COL6A6: variants seen among roughly 807,000 people sequenced by gnomAD.
COL6A6 encodes collagen alpha-6(VI) chain.
A neutral mutation model predicts 208.6 loss-of-function variants in COL6A6; 183 were observed. The ratio of observed to expected loss-of-function variants is 0.88; its 90% CI spans 0.78 to 0.99. The LOEUF (loss-of-function observed/expected upper bound fraction) is 0.99. Ranked by LOEUF, COL6A6 falls within the 50% of genes least tolerant of loss-of-function variation. The probability of loss-of-function intolerance (pLI) is 0.00; values close to 1 mark genes in which losing one functional copy is unlikely to be tolerated. For missense variants in COL6A6, 2,816 were observed against 2,815.2 expected, an observed-to-expected ratio of 1.00 and a Z score of -0.01; for synonymous variants, 973 against 1,011.8, an observed-to-expected ratio of 0.96 and a Z score of 0.73.
intron 36 of COL6A6, among the ~76,000 whole-genome samples, chr3:130,673,409 G>A (rs2066279927): frequency 6.6e-6 from 1 of 151,712 alleles, no homozygotes; most frequent in Non-Finnish European, 1.5e-5. Context: ...TGGGAAGAAA[G>A]GTAACAGTAA....
intron 18 of COL6A6, among the ~76,000 whole-genome samples, chr3:130,595,759 A>C (rs2063833557): frequency 6.6e-6 from 1 of 152,176 alleles, no homozygotes; most frequent in African/African-American, 2.4e-5. Flanking sequence ...TGCTGCTATG[A>C]ATATTCTTAT....
rs1422376537 is a variant in COL6A6, at chr3:130,594,312, AC to A, written c.4504del (p.Arg1502ValfsTer19). On this transcript the variant is annotated frameshift_variant, in exon 18 of 37. Coordinates refer to ENST00000358511, the MANE Select transcript of COL6A6 (RefSeq NM_001102608.3). LOFTEE classifies it high-confidence loss of function. ...CCAGGGAAGAGAGGGACTCCTGGTG[AC>A]CGTGGAGCAAAGGGCCTGCGAGGGG... is the stretch of plus-strand genomic sequence containing the variant. ...GSPGKRGTPG[D>X]RGAKGLRGDP... is the part of the protein sequence containing the mutation. The A allele has an allele frequency of 1.9e-6, 3 of 1,613,378 alleles. No individual in the cohort carries two copies. The highest frequency in any genetic ancestry group is 2.5e-6 in the Non-Finnish European group (3 of 1,179,706).
chr3:130,537,655 C>G (rs899960954), intron 1 of COL6A6, among the ~76,000 whole-genome samples: 5 of 152,196 alleles, frequency 3.3e-5, no homozygotes, highest in African/African-American at 1.2e-4. Flanking sequence ...GGCTTAGCTG[C>G]TGGGATATTC....
At chr3:130,635,613 T>A (rs2065089002) in intron 27 of COL6A6, 86 bp from the exon 28 acceptor site, 2 of 885,584 alleles carry the variant, frequency 2.3e-6, no homozygotes, top group Non-Finnish European at 3.5e-6. Flanking sequence ...AATGTCTTCA[T>A]GTTAGAATCA....
chr3:130,676,541 T>A lies in COL6A6; in HGVS notation c.*1144T>A, dbSNP rs186609729. On this transcript the variant is annotated 3_prime_UTR_variant, in exon 37 of 37. Coordinates refer to ENST00000358511, the MANE Select transcript of COL6A6 (RefSeq NM_001102608.3). ...GCTCCACAGTTGGTAGCAATGGCCC[T>A]GTTAGGCAGACTGTCCCCCTCTTTG... is the stretch of plus-strand genomic sequence containing the variant. 2 of 152,248 alleles carry A rather than the reference T, an allele frequency of 1.3e-5. No individual in the cohort carries two copies. The highest frequency in any genetic ancestry group is 2.9e-5 in the Non-Finnish European group (2 of 68,064). The allele number at this position is 152,248 out of a possible 1,614,324, so 9.4% of individuals were successfully genotyped here. A position where few individuals can be genotyped will look rare whatever the true frequency, so the allele number is the denominator to read the frequency against.
Position 130,586,571 on chromosome 3 carries a change from C to G in COL6A6, c.4036C>G (p.Pro1346Ala). Reference sequence around the variant, plus strand: ...TGATTCAAGTGACTTGGCTGATCTTCCCTATATTGAATTTGGGAAAGGATT... The same window carrying G: ...TGATTCAAGTGACTTGGCTGATCTTGCCTATATTGAATTTGGGAAAGGATT... Reference protein sequence around the residue: ...PADSSDLADLPYIEFGKGFEY... With the variant: ...PADSSDLADLAYIEFGKGFEY... Residue 1346 changes from proline to alanine, a missense_variant, in exon 11 of 37, where the codon CCC becomes GCC. Transcript: ENST00000358511. 1 of 1,613,936 alleles carries G rather than the reference C, an allele frequency of 6.2e-7. No individual in the cohort carries two copies. Among genetic ancestry groups the G allele is most frequent in the Non-Finnish European group, 8.5e-7 (1 of 1,179,854 alleles).
rs1576420836 is a variant in COL6A6 at position 130,662,420 on chromosome 3, G to A, written c.6502+112G>A. ...GGAAACCTCTTGTCTGTCTTCAAGG[G>A]CACTTCAGGGTCAGAAAGGAAAATA... On this transcript the variant is annotated intron_variant, in intron 35 of 36. Transcript: ENST00000358511. The A allele has an allele frequency of 5.0e-6, 5 of 1,005,580 alleles. No homozygotes were observed. In the East Asian group the frequency reaches 1.2e-4, roughly 24 times the overall value. 62.3% of individuals were successfully genotyped at this position (1,005,580 alleles called of 1,614,324 possible). A position where few individuals can be genotyped will look rare whatever the true frequency, so the allele number is the denominator to read the frequency against.
intron 23 of COL6A6, among the ~76,000 whole-genome samples, chr3:130,618,822 G>C (rs1204655477): frequency 6.6e-6 from 1 of 152,168 alleles, no homozygotes; most frequent in Non-Finnish European, 1.5e-5. Context: ...CTTAAAACAG[G>C]ATAATCTCTC....
Position 130,571,214 on chromosome 3 carries a change from C to G in COL6A6, c.2798C>G (p.Ala933Gly), listed in dbSNP as rs2063156901. 6.2e-7 allele frequency: 1 copy of G among 1,613,666 alleles called. No homozygotes were observed. The highest frequency in any genetic ancestry group is 1.1e-5 in the South Asian group (1 of 91,022). The stretch of plus-strand genomic sequence containing the variant: ...GATGCTGATAAACTCAATGCCACGG[C>G]AAAGGCCTTGCGGGACAAAGGCATT... ...SHDADKLNATAKALRDKGILV... is the reference protein window; with the variant it reads ...SHDADKLNATGKALRDKGILV... Residue 933 changes from alanine (A) to glycine (G), a missense_variant, in exon 7 of 37, where the codon GCA (alanine) becomes GGA (glycine). Transcript: ENST00000358511.
intron 1 of COL6A6, among the ~76,000 whole-genome samples, chr3:130,534,745 A>G (rs550942616): frequency 6.6e-6 from 1 of 152,170 alleles, no homozygotes; most frequent in East Asian, 1.9e-4. Context: ...TTTTTTTCAC[A>G]GCCAGCACCT....
At chr3:130,526,367 A>C (rs1201253504) in intron 1 of COL6A6, among the ~76,000 whole-genome samples, 1 of 152,048 alleles carries the variant, frequency 6.6e-6, no homozygotes, top group African/African-American at 2.4e-5. Flanking sequence ...GAATGAGGAG[A>C]GTAAAGATGA....
intron 17 of COL6A6, 91 bp downstream of exon 17, chr3:130,593,343 A>G (rs2063768112): frequency 4.9e-6 from 5 of 1,017,466 alleles, no homozygotes; most frequent in Non-Finnish European, 7.6e-6. Context: ...TATTGCTACA[A>G]AACTGTTTTG....
chr3:130,528,302 G>A (rs1194981082), intron 1 of COL6A6, among the ~76,000 whole-genome samples: 1 of 152,074 alleles, frequency 6.6e-6, no homozygotes, highest in African/African-American at 2.4e-5. Flanking sequence ...AAACTTTGAT[G>A]GGTATGCAGA....
rs913880076 is a variant in COL6A6 at position 130,665,174 on chromosome 3, G to C, written c.6596+78G>C. The C allele has an allele frequency of 9.9e-6, 9 of 912,010 alleles. No individual in the cohort carries two copies. In the Admixed American group the frequency reaches 1.7e-4, roughly 17 times the overall value. 56.5% of individuals were successfully genotyped at this position (912,010 alleles called of 1,614,324 possible). On this transcript the variant is annotated intron_variant, in intron 36 of 36. Transcript: ENST00000358511. ...CTATTTTCCTCCTCCTCCTTTTCTT[G>C]CTTTTCTTCCTCCTCCATCTTATTT... is the stretch of plus-strand genomic sequence containing the variant.
chr3:130,531,861 T>C (rs1559956048), intron 1 of COL6A6, among the ~76,000 whole-genome samples: 1 of 152,286 alleles, frequency 6.6e-6, no homozygotes, highest in East Asian at 1.9e-4. Context: ...CATAGAGTGG[T>C]TATAATGTAA....
In COL6A6 at chr3:130,566,638, T is replaced by C. The variant is rs957765877; in HGVS notation, c.1283-64T>C. On this transcript the variant is annotated intron_variant, in intron 4 of 36. Transcript: ENST00000358511. ...AGGTTCATATTTGTTCTTCTTTCCA[T>C]GTGCTCTCATTTCTTCTTCATGCTT... is the stretch of plus-strand genomic sequence containing the variant. 60 of 1,343,604 alleles carry C rather than the reference T, an allele frequency of 4.5e-5. No individual in the cohort carries two copies. The East Asian group carries it at 1.0e-3, about 22-fold the overall frequency. The allele number at this position is 1,343,604 out of a possible 1,614,324, so 83.2% of individuals were successfully genotyped here.
At chr3:130,601,342 T>C (rs1399543991) in intron 20 of COL6A6, among the ~76,000 whole-genome samples, 1 of 151,754 alleles carries the variant, frequency 6.6e-6, no homozygotes, top group Non-Finnish European at 1.5e-5. Context: ...ATTTTTTTTA[T>C]CTTGGAGCAT....
chr3:130,544,807 C>T (rs548130704), intron 1 of COL6A6, among the ~76,000 whole-genome samples: 7 of 152,160 alleles, frequency 4.6e-5, no homozygotes, highest in Non-Finnish European at 1.0e-4. Flanking sequence ...TTTTCATATA[C>T]CTGTTGGCCA....
intron 10 of COL6A6, 147 bp from the exon 11 acceptor site, chr3:130,586,359 T>A: frequency 1.6e-6 from 1 of 625,544 alleles, no homozygotes; most frequent in Non-Finnish European, 2.7e-6. Flanking sequence ...ACTTGTCAGG[T>A]TTACATCATG....
Sources: allele counts gnomAD v4.1 joint callset (sites outside exome capture counted in the v4.1 genomes callset), GRCh38; gene constraint gnomAD v4.1.1; transcripts MANE v1.5; gene names NCBI Gene and HGNC (gene_info 2026-07-23, HGNC 2026-07-21).